Variants in CLPB observed in about 807,000 individuals in gnomAD.
CLPB encodes mitochondrial disaggregase.
A neutral mutation model predicts 78.4 loss-of-function variants in CLPB; 40 were observed. That is an observed-to-expected ratio of 0.51 (90% confidence interval 0.40 to 0.66). The LOEUF (loss-of-function observed/expected upper bound fraction) is 0.66. CLPB is among the 30% of genes least tolerant of loss of function. The pLI is 0.00. For synonymous variants in CLPB, 333 were observed against 348.0 expected (o/e 0.96, Z 0.48); for missense variants, 780 against 886.9 (o/e 0.88, Z 1.53).
At chr11:72,364,263 G>A (rs1387839964) in intron 4 of CLPB, among the ~76,000 whole-genome samples, 2 of 152,122 alleles carry the variant, frequency 1.3e-5, no homozygotes, top group African/African-American at 2.4e-5. Context: ...GCATGATCTC[G>A]GCTCACTGCA....
rs1382174115 is a variant in CLPB, at chr11:72,312,602, C to T, written c.989-3998G>A. Among the ~76,000 whole-genome samples, 1 of 151,974 alleles carries T rather than the reference C, an allele frequency of 6.6e-6. No homozygotes were observed. The highest frequency in any genetic ancestry group is 1.5e-5 in the Non-Finnish European group (1 of 68,024). On this transcript the variant is annotated intron_variant, in intron 7 of 15. Coordinates refer to ENST00000538039, the MANE Select transcript of CLPB (RefSeq NM_001258392.3). This position sits in a 1 kb window ranked among gnomAD's most constrained non-coding sequence, Gnocchi z 4.2. ...TTCTCAAATTGCAAGGGAGAAAGAA[C>T]AGGTACTTCAACTCATTTTACAGAG...
chr11:72,367,140 C>T (rs1950959369), intron 4 of CLPB, among the ~76,000 whole-genome samples: 3 of 152,100 alleles, frequency 2.0e-5, no homozygotes, highest in African/African-American at 7.2e-5. Flanking sequence ...GAACAGAAAA[C>T]CAAATACTGC....
At chr11:72,393,700 G>A (rs1020722573) in intron 3 of CLPB, among the ~76,000 whole-genome samples, 2 of 152,136 alleles carry the variant, frequency 1.3e-5, no homozygotes, top group Admixed American at 6.5e-5. Context: ...TCACTTCTGG[G>A]GCCTGATGTT....
intron 11 of CLPB, among the ~76,000 whole-genome samples, chr11:72,297,191 G>GATATAC (rs1213018352): frequency 1.3e-5 from 2 of 152,230 alleles, no homozygotes; most frequent in Non-Finnish European, 2.9e-5. Flanking sequence ...TGGCTCTGGG[G>GATATAC]ATATACATCA....
rs372175398 is a variant in CLPB, at chr11:72,291,603, C to T, written c.*1764G>A. ...AATTACAGGCATGAGCCACCACACC[C>T]GGCAATTTCCTGGTTTTGATAAACT... On this transcript the variant is annotated 3_prime_UTR_variant, in exon 16 of 16. Transcript: ENST00000538039. 2.6e-5 allele frequency: 4 copies of T among 152,008 alleles called. No homozygotes were observed. The highest frequency in any genetic ancestry group is 5.9e-5 in the Non-Finnish European group (4 of 68,008). 9.4% of individuals were successfully genotyped at this position (152,008 alleles called of 1,614,324 possible).
At chr11:72,307,998 G>A (rs564144319) in intron 8 of CLPB, among the ~76,000 whole-genome samples, 1 of 152,174 alleles carries the variant, frequency 6.6e-6, no homozygotes, top group African/African-American at 2.4e-5. Flanking sequence ...TGAAGGAATG[G>A]GGGGGTTCTG....
chr11:72,429,597 C>T (rs551916803), intron 2 of CLPB, among the ~76,000 whole-genome samples: 14 of 152,308 alleles, frequency 9.2e-5, no homozygotes, highest in African/African-American at 3.4e-4. Context: ...CAGTGGGGGG[C>T]ATAGTTTCAA....
chr11:72,346,096 G>C (rs371272585), intron 5 of CLPB, among the ~76,000 whole-genome samples: 1 of 152,186 alleles, frequency 6.6e-6, no homozygotes, highest in African/African-American at 2.4e-5. Context: ...GGGCAGATGA[G>C]GGGGCAGGCA....
At chr11:72,334,970 T>C (rs567674103) in intron 5 of CLPB, among the ~76,000 whole-genome samples, 1 of 152,244 alleles carries the variant, frequency 6.6e-6, no homozygotes. Flanking sequence ...AGGTCACTCA[T>C]TGGGGAAATA....
chr11:72,357,233 T>G (rs1426269361), intron 5 of CLPB: 1 of 146,318 alleles, frequency 6.8e-6, no homozygotes, highest in Non-Finnish European at 1.5e-5. Flanking sequence ...GTGGCAAGAT[T>G]ACGTGCGTGT....
chr11:72,332,229 T>A (rs1026378180), intron 5 of CLPB, among the ~76,000 whole-genome samples: 1 of 151,674 alleles, frequency 6.6e-6, no homozygotes, highest in African/African-American at 2.4e-5. Context: ...ATGCCTGTAG[T>A]CCCAGCAATT....
intron 2 of CLPB, among the ~76,000 whole-genome samples, chr11:72,428,132 C>T (rs1170075504): frequency 1.3e-5 from 2 of 152,188 alleles, no homozygotes; most frequent in African/African-American, 4.8e-5. Flanking sequence ...CATCCCCATC[C>T]CCCATCTGCA....
In CLPB at chr11:72,399,220, C is replaced by T. The variant is rs528347272; in HGVS notation, c.542+3746G>A. ...TGGTCCCATTCATGTTAAATTTGTA[C>T]ATAAACATATATATAACAATCAATT... On this transcript the variant is annotated intron_variant, in intron 3 of 15. Coordinates refer to ENST00000538039, the MANE Select transcript of CLPB (RefSeq NM_001258392.3). Among the ~76,000 whole-genome samples, 4 of 151,946 alleles carry T rather than the reference C, an allele frequency of 2.6e-5. No homozygotes were observed. In the East Asian group the frequency reaches 7.7e-4, roughly 29 times the overall value.
intron 5 of CLPB, among the ~76,000 whole-genome samples, chr11:72,331,052 T>A (rs985223947): frequency 6.6e-6 from 1 of 152,110 alleles, no homozygotes; most frequent in African/African-American, 2.4e-5. Context: ...GTCTCTACTT[T>A]AAAAATTTTT....
intron 5 of CLPB, chr11:72,332,760 A>G (rs1950250970): frequency 6.6e-6 from 1 of 152,214 alleles, no homozygotes. Flanking sequence ...TTTCAGGCTT[A>G]CCAGAATGTT....
chr11:72,367,221 T>C (rs958201940), intron 4 of CLPB, among the ~76,000 whole-genome samples: 2 of 152,204 alleles, frequency 1.3e-5, no homozygotes. Context: ...TGGAGTGCAG[T>C]GACACAATCT....
intron 5 of CLPB, among the ~76,000 whole-genome samples, chr11:72,356,281 T>C (rs1316181554): frequency 2.1e-5 from 2 of 95,294 alleles, no homozygotes; most frequent in African/African-American, 6.1e-5. Context: ...TCTGTCTCAA[T>C]TAAAAAAAAA....
rs139606332 is a variant in CLPB at position 72,396,321 on chromosome 11, A to C, written c.542+6645T>G. On this transcript the variant is annotated intron_variant, in intron 3 of 15. Transcript: ENST00000538039. ...GAGGGAGACTCTTGTGGGGAATTTC[A>C]AACAGTTCTGATGTGCTTCATGCTC... is the stretch of plus-strand genomic sequence containing the variant. Among the ~76,000 whole-genome samples the C allele has an allele frequency of 1.4e-4, 21 of 152,294 alleles. No individual in the cohort carries two copies. In the East Asian group the frequency reaches 2.9e-3, roughly 21 times the overall value.
At chr11:72,320,705 C>A (rs531085783) in intron 6 of CLPB, among the ~76,000 whole-genome samples, 3 of 152,154 alleles carry the variant, frequency 2.0e-5, no homozygotes, top group South Asian at 4.2e-4. Context: ...TGACTGACTT[C>A]TTTTATTTTA....
Sources: gnomAD v4.1 joint callset for allele counts (sites outside exome capture counted in the v4.1 genomes callset) on GRCh38, gnomAD v4.1.1 for gene constraint, Gnocchi (gnomAD v3.1) non-coding constraint, MANE v1.5 for transcripts, NCBI Gene and HGNC (gene_info 2026-07-23, HGNC 2026-07-21) for gene names.